PGPEP1: variants seen among roughly 807,000 people sequenced by gnomAD.
PGPEP1 encodes the protein pyroglutamyl-peptidase 1.
Under a neutral mutation model 24.1 loss-of-function variants are expected in PGPEP1, and 15 were observed. That is an observed-to-expected ratio of 0.62 (90% CI 0.42 to 0.96). The LOEUF (loss-of-function observed/expected upper bound fraction) is 0.96, where lower values mean the gene tolerates loss of function less well. Among genes scored for constraint, PGPEP1 ranks in the 40% least tolerant of loss-of-function variants. The pLI is 0.00. For synonymous variants in PGPEP1, 122 were observed against 116.4 expected, an observed-to-expected ratio of 1.05 and a Z score of -0.31; for missense variants, 242 against 273.4, an observed-to-expected ratio of 0.89 and a Z score of 0.81.
intron 4 of PGPEP1, among the ~76,000 whole-genome samples, chr19:18,363,033 TTGTGTG>T (rs201259409): frequency 0.013 from 1,745 of 136,780 alleles, 30 homozygotes; most frequent in African/African-American, 0.041. Context: ...TTTTTTTTGT[TTGTGTG>T]TGTGTGTGTG....
rs567099323 is a variant in PGPEP1 at position 18,352,712 on chromosome 19, C to T, written c.88-3183C>T. Reference sequence around the variant, plus strand: ...CTGGGAGTACAGGTGCGCACCATCACGCCCAGATAATTTTTGTATTTTTCA... The same window carrying T: ...CTGGGAGTACAGGTGCGCACCATCATGCCCAGATAATTTTTGTATTTTTCA... On this transcript the variant is annotated intron_variant, in intron 2 of 4. Coordinates refer to ENST00000269919, the MANE Select transcript of PGPEP1 (RefSeq NM_017712.4). Among the ~76,000 whole-genome samples, 4 of 151,306 alleles carry T rather than the reference C, an allele frequency of 2.6e-5. No individual in the cohort carries two copies. The South Asian group carries it at 6.3e-4, about 24-fold the overall frequency.
intron 4 of PGPEP1, among the ~76,000 whole-genome samples, chr19:18,363,033 T>TGTGTGTGTG (rs1971390850): frequency 2.7e-4 from 37 of 136,786 alleles, no homozygotes; most frequent in African/African-American, 8.2e-4. Flanking sequence ...TTTTTTTTGT[T>TGTGTGTGTG]TGTGTGTGTG....
intron 2 of PGPEP1, among the ~76,000 whole-genome samples, chr19:18,354,640 C>T (rs1054810505): frequency 3.3e-5 from 5 of 152,132 alleles, no homozygotes; most frequent in African/African-American, 1.2e-4. Context: ...ATCTCAGCCT[C>T]CTGAATAGCT....
rs1350907995 is a variant in PGPEP1, at chr19:18,365,024, G to C, written c.*1441G>C. ...GCATGTCTGAGCAGGAGGAATTCCGGGCGGCCAAAGGGTTTTATGTAGATT... is the reference window on the plus strand; with the variant it reads ...GCATGTCTGAGCAGGAGGAATTCCGCGCGGCCAAAGGGTTTTATGTAGATT... On this transcript the variant is annotated 3_prime_UTR_variant, in exon 5 of 5. Transcript: ENST00000269919. The C allele has an allele frequency of 1.3e-5, 2 of 152,062 alleles. No individual in the cohort carries two copies. Among genetic ancestry groups the C allele is most frequent in the African/African-American group, 4.8e-5 (2 of 41,392 alleles). 9.4% of individuals were successfully genotyped at this position (152,062 alleles called of 1,614,324 possible).
At chr19:18,355,753 G>A in intron 2 of PGPEP1, 142 bp from the exon 3 acceptor site, 1 of 595,546 alleles carries the variant, frequency 1.7e-6, no homozygotes, top group Non-Finnish European at 3.1e-6. Context: ...GGAAATGAGG[G>A]GCTTTGAACT....
chr19:18,343,787 A>G (rs1970750474), intron 2 of PGPEP1, among the ~76,000 whole-genome samples: 2 of 145,906 alleles, frequency 1.4e-5, no homozygotes, highest in South Asian at 2.1e-4. Context: ...GGTTCAAGCG[A>G]TTCTCCTGCC....
chr19:18,363,056 T>TGTGTGTGC (rs1300042781), intron 4 of PGPEP1, among the ~76,000 whole-genome samples: 1 of 151,408 alleles, frequency 6.6e-6, no homozygotes, highest in Non-Finnish European at 1.5e-5. Flanking sequence ...TGTGTGTGTG[T>TGTGTGTGC]GTGTGTGTGT....
At chr19:18,356,432 C>CA (rs200138891) in intron 3 of PGPEP1, among the ~76,000 whole-genome samples, 3,446 of 140,240 alleles carry the variant, frequency 0.025, 145 homozygotes, top group African/African-American at 0.085. Context: ...AGACCTGTCT[C>CA]AAAAAAAACA....
intron 2 of PGPEP1, among the ~76,000 whole-genome samples, chr19:18,346,424 T>C (rs1970845021): frequency 6.6e-6 from 1 of 152,124 alleles, no homozygotes; most frequent in Non-Finnish European, 1.5e-5. Context: ...AATTGCTTCC[T>C]GCCGTGACCG....
intron 2 of PGPEP1, among the ~76,000 whole-genome samples, chr19:18,354,409 G>A (rs1047352209): frequency 1.3e-5 from 2 of 152,000 alleles, no homozygotes; most frequent in African/African-American, 4.8e-5. Flanking sequence ...GCAGGAGAAT[G>A]GCATGAACCC....
chr19:18,349,118 C>T (rs750601600), intron 2 of PGPEP1: 3 of 982,144 alleles, frequency 3.1e-6, no homozygotes, highest in Non-Finnish European at 3.6e-6. Flanking sequence ...GACTGCAGGT[C>T]TTGGGGTATG....
intron 2 of PGPEP1, among the ~76,000 whole-genome samples, chr19:18,347,274 T>TTTTTTC (rs1970879478): frequency 7.5e-6 from 1 of 132,642 alleles, no homozygotes; most frequent in Non-Finnish European, 1.6e-5. Context: ...TTCTTTCTTT[T>TTTTTTC]TTTTTTTTTT....
intron 2 of PGPEP1, among the ~76,000 whole-genome samples, chr19:18,352,719 A>G (rs975217700): frequency 6.7e-6 from 1 of 150,318 alleles, no homozygotes; most frequent in Non-Finnish European, 1.5e-5. Flanking sequence ...TCACGCCCAG[A>G]TAATTTTTGT....
At chr19:18,346,702 A>G (rs534482347) in intron 2 of PGPEP1, among the ~76,000 whole-genome samples, 153 of 132,930 alleles carry the variant, frequency 1.2e-3, no homozygotes, top group Non-Finnish European at 1.7e-3. Context: ...GTGCAATGGC[A>G]CAATCTCAGC....
chr19:18,342,534 G>A (rs1970699871), intron 1 of PGPEP1, among the ~76,000 whole-genome samples: 1 of 152,192 alleles, frequency 6.6e-6, no homozygotes, highest in Non-Finnish European at 1.5e-5. Context: ...ATTGTAGGTT[G>A]AGTCAAGGGG....
intron 2 of PGPEP1, among the ~76,000 whole-genome samples, chr19:18,346,163 T>A (rs1970839572): frequency 6.6e-6 from 1 of 152,088 alleles, no homozygotes; most frequent in Non-Finnish European, 1.5e-5. Context: ...GTAGGTGAAT[T>A]TTGCCTGTTC....
chr19:18,343,003 CTTTT>C (rs35175980), intron 2 of PGPEP1, 92 bp downstream of exon 2: 9 of 737,236 alleles, frequency 1.2e-5, no homozygotes, highest in Non-Finnish European at 1.8e-5. Context: ...TTAACAAAAA[CTTTT>C]TTTTTTTTTT....
rs151086105 is a variant in PGPEP1, at chr19:18,363,845, G to T, written c.*262G>T. 282 of 351,632 alleles carry T rather than the reference G, an allele frequency of 8.0e-4. 2 individuals are homozygous for T. The highest frequency in any genetic ancestry group is 5.5e-3 in the African/African-American group (270 of 48,960). 21.8% of individuals were successfully genotyped at this position (351,632 alleles called of 1,614,324 possible). A position where few individuals can be genotyped will look rare whatever the true frequency, so the allele number is the denominator to read the frequency against. ...TGCCGTGACCAGGGAGGCCAGCCTG[G>T]GAGGTCCAGATGCCCAGGGAGAATC... is the stretch of plus-strand genomic sequence containing the variant. On this transcript the variant is annotated 3_prime_UTR_variant, in exon 5 of 5. Transcript: ENST00000269919.
intron 2 of PGPEP1, among the ~76,000 whole-genome samples, chr19:18,350,675 G>A (rs1326688926): frequency 1.3e-5 from 2 of 152,238 alleles, no homozygotes; most frequent in African/African-American, 4.8e-5. Context: ...GGAGTATTAT[G>A]CAGCAGAGAA....
Sources: allele counts gnomAD v4.1 joint callset (sites outside exome capture counted in the v4.1 genomes callset), GRCh38; gene constraint gnomAD v4.1.1; transcripts MANE v1.5; gene names NCBI Gene and HGNC (gene_info 2026-07-23, HGNC 2026-07-21).